Variants in SRRM4 observed in about 807,000 individuals in gnomAD.
The protein encoded by SRRM4 is serine/arginine repetitive matrix protein 4.
SRRM4 carries 33 observed loss-of-function variants against 68.9 expected under a neutral mutation model. The observed-to-expected ratio is 0.48, with a 90% confidence interval of 0.36 to 0.64. The LOEUF is 0.64. Among genes scored for constraint, SRRM4 ranks in the 30% least tolerant of loss-of-function variants. The pLI, the probability that SRRM4 is intolerant of heterozygous loss-of-function variation, is 0.00. For missense variants in SRRM4, 817 were observed against 827.1 expected (o/e 0.99, Z 0.15); for synonymous variants, 318 against 318.8 (o/e 1.00, Z 0.03).
chr12:119,003,532 G>A (rs558294756), intron 1 of SRRM4, among the ~76,000 whole-genome samples: 1 of 152,116 alleles, frequency 6.6e-6, no homozygotes, highest in Admixed American at 6.5e-5. Context: ...AAGCAGGAGA[G>A]CTGGTAGAGG....
chr12:119,154,381 C>G lies in SRRM4; in HGVS notation c.1530C>G (p.Thr510=), dbSNP rs1954459648. ...GCCACCTGGAGGCCCGGAGGATAAC[C>G]AGGTGAGGCCAGGGGGCAAGGGGGA... ...SPSHLEARRI[T]SARKRPIPYY... The change falls in exon 12 of 13, where the codon ACC becomes ACG. Residue 510 remains threonine (T), a splice_region_variant and synonymous_variant. Transcript: ENST00000267260. This position sits in a 1 kb window ranked among gnomAD's most constrained non-coding sequence, Gnocchi z 4.7. The G allele has an allele frequency of 1.2e-6, 2 of 1,612,572 alleles. No homozygotes were observed. Among genetic ancestry groups the G allele is most frequent in the South Asian group, 1.1e-5 (1 of 90,820 alleles).
At chr12:119,077,439 CT>C (rs1953923283) in intron 1 of SRRM4, among the ~76,000 whole-genome samples, 2 of 152,184 alleles carry the variant, frequency 1.3e-5, no homozygotes, top group East Asian at 3.9e-4. Context: ...GTTATTTTAT[CT>C]TTTTGAACAT....
At chr12:119,096,648 C>G (rs1954047006) in intron 1 of SRRM4, among the ~76,000 whole-genome samples, 2 of 152,216 alleles carry the variant, frequency 1.3e-5, no homozygotes, top group African/African-American at 4.8e-5. Flanking sequence ...GTCCCCTTGC[C>G]TCTTGGGCCT....
chr12:119,122,013 T>C, intron 5 of SRRM4, 57 bp from the exon 6 acceptor site: 1 of 1,144,002 alleles, frequency 8.7e-7, no homozygotes, highest in Non-Finnish European at 1.3e-6. Flanking sequence ...TTTAACTACT[T>C]GTTTATCTTT....
Position 119,151,186 on chromosome 12 carries a change from T to C in SRRM4, c.1246T>C (p.Tyr416His), listed in dbSNP as rs550324165. 6.2e-7 allele frequency: 1 copy of C among 1,613,984 alleles called. No homozygotes were observed. Among genetic ancestry groups the C allele is most frequent in the African/African-American group, 1.3e-5 (1 of 75,048 alleles). The part of the protein sequence containing the change: ...RSPNPRASPR[Y>H]TQSRSTSSEK... ...CCCAAATCCCAGGGCTTCCCCCAGG[T>C]ACACCCAAAGCCGATCCACCTCTTC... is the stretch of plus-strand genomic sequence containing the variant. The change falls in exon 10 of 13, where the codon TAC becomes CAC. Residue 416 changes from tyrosine (Y) to histidine (H), a missense_variant. Physicochemically the swap from Tyr to His is moderately conservative, Grantham distance 83. Transcript: ENST00000267260.
At chr12:119,108,201 C>G (rs1954119080) in intron 2 of SRRM4, among the ~76,000 whole-genome samples, 1 of 152,166 alleles carries the variant, frequency 6.6e-6, no homozygotes, top group Non-Finnish European at 1.5e-5. Flanking sequence ...GATTTCTGTT[C>G]TTTTACATTT....
chr12:119,073,014 C>T (rs1953887051), intron 1 of SRRM4, among the ~76,000 whole-genome samples: 1 of 151,690 alleles, frequency 6.6e-6, no homozygotes, highest in African/African-American at 2.4e-5. Flanking sequence ...ATAGGACGAA[C>T]AGCTAACAGC....
In SRRM4 at chr12:119,157,001, G is replaced by A. The variant is rs1055139739; in HGVS notation, c.*203G>A. ...AGGAGCCTCTACCAGCATCATCCTG[G>A]GGCCCAGCTCAGGCCTGGGCATATG... is the stretch of plus-strand genomic sequence containing the variant. On this transcript the variant is annotated 3_prime_UTR_variant, in exon 13 of 13. Transcript: ENST00000267260. This position sits in a 1 kb window ranked among gnomAD's most constrained non-coding sequence, Gnocchi z 4.1. 1.5e-5 allele frequency: 9 copies of A among 607,570 alleles called. No individual in the cohort carries two copies. The highest frequency in any genetic ancestry group is 2.5e-5 in the Non-Finnish European group (9 of 359,656). The allele number at this position is 607,570 out of a possible 1,614,324, so 37.6% of individuals were successfully genotyped here.
chr12:119,030,766 C>A (rs1953584044), intron 1 of SRRM4, among the ~76,000 whole-genome samples: 1 of 152,124 alleles, frequency 6.6e-6, no homozygotes, highest in Non-Finnish European at 1.5e-5. Context: ...ATGTCCATAT[C>A]ATACGAATGC....
In SRRM4 at chr12:119,154,193, G is replaced by C; in HGVS notation, c.1392-50G>C. ...TGTCCCTCTCCCACGCGCTCACGCA[G>C]AAAATCCAGCCCAGCCCCAGCTCCC... On this transcript the variant is annotated intron_variant, in intron 11 of 12. Transcript: ENST00000267260. The surrounding 1 kb of genome is among the most constrained non-coding windows in gnomAD (Gnocchi z 4.7). 1 of 1,538,902 alleles carries C rather than the reference G, an allele frequency of 6.5e-7. No homozygotes were observed. Among genetic ancestry groups the C allele is most frequent in the Non-Finnish European group, 8.8e-7 (1 of 1,132,878 alleles).
chr12:119,056,964 A>G (rs1291492220), intron 1 of SRRM4, among the ~76,000 whole-genome samples: 1 of 152,160 alleles, frequency 6.6e-6, no homozygotes, highest in African/African-American at 2.4e-5. Context: ...AATATTTTTG[A>G]AGGAAGGAGA....
chr12:119,052,815 C>T (rs2136017790), intron 1 of SRRM4, among the ~76,000 whole-genome samples: 1 of 152,322 alleles, frequency 6.6e-6, no homozygotes, highest in South Asian at 2.1e-4. Flanking sequence ...AGGCGTGAGC[C>T]ACCACACCTG....
At chr12:119,024,274 C>A (rs1054963371) in intron 1 of SRRM4, among the ~76,000 whole-genome samples, 1 of 152,172 alleles carries the variant, frequency 6.6e-6, no homozygotes, top group African/African-American at 2.4e-5. Context: ...ACTCTGCTGA[C>A]CCCCAGCTCC....
intron 1 of SRRM4, among the ~76,000 whole-genome samples, chr12:119,014,563 C>G (rs1234654197): frequency 6.6e-6 from 1 of 152,164 alleles, no homozygotes; most frequent in Non-Finnish European, 1.5e-5. Context: ...CAGATCCAAG[C>G]TGCAGTTGGC....
In SRRM4 at chr12:119,154,469, C is replaced by A. The variant is rs1954460309; in HGVS notation, c.1532+86C>A. ...ATTCGAGCCTCAGGCTCTCCCTAGG[C>A]CTCCTTGGGGCTGGGATTTAGGATT... is the stretch of plus-strand genomic sequence containing the variant. On this transcript the variant is annotated intron_variant, in intron 12 of 12. Coordinates refer to ENST00000267260, the MANE Select transcript of SRRM4 (RefSeq NM_194286.4). The surrounding 1 kb of genome is among the most constrained non-coding windows in gnomAD (Gnocchi z 4.7). The A allele has an allele frequency of 5.5e-6, 8 of 1,458,332 alleles. No individual in the cohort carries two copies. Among genetic ancestry groups the A allele is most frequent in the East Asian group, 4.8e-5 (2 of 41,906 alleles). The allele number at this position is 1,458,332 out of a possible 1,614,324, so 90.3% of individuals were successfully genotyped here.
chr12:119,133,183 G>A (rs991101185), intron 8 of SRRM4: 1 of 152,172 alleles, frequency 6.6e-6, no homozygotes, highest in Admixed American at 6.5e-5. Flanking sequence ...TCATAAGATT[G>A]TTATGAGAAT....
intron 1 of SRRM4, among the ~76,000 whole-genome samples, chr12:119,034,629 G>T (rs61937964): frequency 0.15 from 23,305 of 152,116 alleles, 1,909 homozygotes; most frequent in East Asian, 0.26. Flanking sequence ...TTTTCGTAGT[G>T]TTTCCTTTAT....
intron 1 of SRRM4, among the ~76,000 whole-genome samples, chr12:119,019,891 C>G (rs1041599884): frequency 1.3e-5 from 2 of 151,014 alleles, no homozygotes; most frequent in Non-Finnish European, 2.9e-5. Context: ...GGCTTTGAAG[C>G]CTTCATGGGA....
chr12:119,097,619 C>T (rs2136040030), intron 1 of SRRM4, among the ~76,000 whole-genome samples: 1 of 152,322 alleles, frequency 6.6e-6, no homozygotes. Flanking sequence ...GAAAAATCTA[C>T]CACATCAGAG....
Sources: gnomAD v4.1 joint callset for allele counts (sites outside exome capture counted in the v4.1 genomes callset) on GRCh38, gnomAD v4.1.1 for gene constraint, Gnocchi (gnomAD v3.1) non-coding constraint, MANE v1.5 for transcripts, NCBI Gene and HGNC (gene_info 2026-07-23, HGNC 2026-07-21) for gene names.